PCSK5: variants seen among roughly 807,000 people sequenced by gnomAD.
The protein encoded by PCSK5 is proprotein convertase subtilisin/kexin type 5.
A neutral mutation model predicts 233.2 loss-of-function variants in PCSK5; 129 were observed. The ratio of observed to expected loss-of-function variants is 0.55; its 90% CI spans 0.48 to 0.64. The LOEUF (loss-of-function observed/expected upper bound fraction) is 0.64, where lower values mean the gene tolerates loss of function less well. PCSK5 is among the 30% of genes least tolerant of loss of function. The probability of loss-of-function intolerance (pLI) is 0.00; values close to 1 mark genes in which losing one functional copy is unlikely to be tolerated. For synonymous variants in PCSK5, 825 were observed against 879.2 expected, an observed-to-expected ratio of 0.94 and a Z score of 1.09; for missense variants, 2,076 against 2,430.1, an observed-to-expected ratio of 0.85 and a Z score of 3.06.
intron 7 of PCSK5, among the ~76,000 whole-genome samples, chr9:76,081,484 C>T (rs7857150): frequency 0.73 from 108,827 of 149,390 alleles, 40,382 homozygotes; most frequent in African/African-American, 0.88. Flanking sequence ...AACAAACAAA[C>T]AAATAAATAA....
chr9:76,018,050 C>G (rs1195615741), intron 3 of PCSK5, among the ~76,000 whole-genome samples: 2 of 142,312 alleles, frequency 1.4e-5, no homozygotes. Flanking sequence ...TTGTCTGAAA[C>G]TGCAAAGGGG....
At chr9:76,206,966 CTTGT>C (rs1201145205) in intron 20 of PCSK5, among the ~76,000 whole-genome samples, 1 of 152,112 alleles carries the variant, frequency 6.6e-6, no homozygotes, top group Admixed American at 6.5e-5. Context: ...AATCCATTTT[CTTGT>C]TTTTTTCAGC....
At chr9:76,141,072 G>A (rs1457294114) in intron 10 of PCSK5, among the ~76,000 whole-genome samples, 2 of 152,010 alleles carry the variant, frequency 1.3e-5, no homozygotes, top group Admixed American at 1.3e-4. Flanking sequence ...TGTGGTTATG[G>A]TTGATATTTT....
chr9:76,278,331 T>C (rs1273611326), intron 24 of PCSK5, among the ~76,000 whole-genome samples: 2 of 152,110 alleles, frequency 1.3e-5, no homozygotes, highest in Admixed American at 1.3e-4. Flanking sequence ...AGAACATCAG[T>C]CCTGTCCTGG....
intron 7 of PCSK5, among the ~76,000 whole-genome samples, chr9:76,082,628 C>T (rs1211688872): frequency 6.6e-6 from 1 of 151,622 alleles, no homozygotes; most frequent in Non-Finnish European, 1.5e-5. Flanking sequence ...TCAGTTTACA[C>T]AATCTGGTAA....
chr9:75,903,900 G>C (rs931985871), intron 1 of PCSK5, among the ~76,000 whole-genome samples: 6 of 151,984 alleles, frequency 3.9e-5, no homozygotes, highest in African/African-American at 1.2e-4. Flanking sequence ...TACTCATCCT[G>C]TGCCTATTCT....
At chr9:75,890,590 AGAG>A (rs1284791486), upstream of PCSK5, 9 of 152,040 alleles carry the variant, frequency 5.9e-5, no homozygotes, top group African/African-American at 2.2e-4. Context: ...CGGAGGAGGG[AGAG>A]GAGGAGGGCG....
chr9:76,092,853 T>G (rs376019264), intron 7 of PCSK5, among the ~76,000 whole-genome samples: 130 of 152,296 alleles, frequency 8.5e-4, no homozygotes, highest in African/African-American at 3.0e-3. Flanking sequence ...ATTAAAAAAT[T>G]ATCTCTTAAC....
In PCSK5 at chr9:76,358,185, T is replaced by C. The variant is rs1247562045; in HGVS notation, c.5255-328T>C. Reference sequence around the variant, plus strand: ...GATTCTCACGGGGTACATACTCCAATTTTATACAGTGGTATGCCTTCTAGG... The same window carrying C: ...GATTCTCACGGGGTACATACTCCAACTTTATACAGTGGTATGCCTTCTAGG... On this transcript the variant is annotated intron_variant, in intron 37 of 37. Coordinates refer to ENST00000674117, the MANE Select transcript of PCSK5 (RefSeq NM_001372043.1). Among the ~76,000 whole-genome samples the C allele has an allele frequency of 2.6e-5, 4 of 152,198 alleles. No homozygotes were observed. In the East Asian group the frequency reaches 7.7e-4, roughly 29 times the overall value.
intron 7 of PCSK5, among the ~76,000 whole-genome samples, chr9:76,080,073 T>G (rs1369307272): frequency 6.6e-6 from 1 of 152,152 alleles, no homozygotes; most frequent in Non-Finnish European, 1.5e-5. Context: ...TAATACTGCC[T>G]CATTTCTCCT....
chr9:76,095,004 G>A (rs1264233805), intron 7 of PCSK5, among the ~76,000 whole-genome samples: 3 of 152,056 alleles, frequency 2.0e-5, no homozygotes, highest in African/African-American at 7.2e-5. Context: ...ATGGATCTAT[G>A]GTCAAATATG....
At chr9:76,335,502 G>T (rs1490102588) in intron 34 of PCSK5, among the ~76,000 whole-genome samples, 4 of 152,086 alleles carry the variant, frequency 2.6e-5, no homozygotes, top group Admixed American at 6.6e-5. Context: ...TAATTATTTT[G>T]GTGTTTAACT....
chr9:76,079,741 T>G (rs1830767551), intron 7 of PCSK5, among the ~76,000 whole-genome samples: 1 of 152,210 alleles, frequency 6.6e-6, no homozygotes, highest in South Asian at 2.1e-4. Flanking sequence ...CTGTCTTGTT[T>G]CGGTTCTCAA....
intron 5 of PCSK5, among the ~76,000 whole-genome samples, chr9:76,041,230 A>G (rs1829104486): frequency 6.6e-6 from 1 of 152,242 alleles, no homozygotes; most frequent in Non-Finnish European, 1.5e-5. Context: ...GCCATAAACC[A>G]TAGGAATAGG....
chr9:75,994,384 T>A (rs1826905415), intron 3 of PCSK5, among the ~76,000 whole-genome samples: 1 of 73,460 alleles, frequency 1.4e-5, no homozygotes. Context: ...AGTTTCTTTC[T>A]TTTCTTTCTT....
At chr9:76,058,302 G>A (rs1243109375) in intron 5 of PCSK5, among the ~76,000 whole-genome samples, 1 of 152,116 alleles carries the variant, frequency 6.6e-6, no homozygotes, top group Non-Finnish European at 1.5e-5. Context: ...TAAGCTCAGG[G>A]CCTTGGTTCA....
intron 3 of PCSK5, among the ~76,000 whole-genome samples, chr9:76,010,182 A>G (rs1302551635): frequency 6.6e-6 from 1 of 152,206 alleles, no homozygotes; most frequent in Non-Finnish European, 1.5e-5. Context: ...CAAAGGGCCA[A>G]CAGCTAAGTC....
At position 76,355,585 on chromosome 9, in the gene PCSK5, C is replaced by T. The variant is rs147313757; in HGVS notation, c.5254+1366C>T. On this transcript the variant is annotated intron_variant, in intron 37 of 37. Coordinates refer to ENST00000674117, the MANE Select transcript of PCSK5 (RefSeq NM_001372043.1). Reference sequence around the variant, plus strand: ...AGAAGTGACATTCACTGACAAAAAGCGATGCCATATTTGTGAGTTGGTCTA... The same window carrying T: ...AGAAGTGACATTCACTGACAAAAAGTGATGCCATATTTGTGAGTTGGTCTA... Among the ~76,000 whole-genome samples the T allele has an allele frequency of 1.2e-4, 19 of 152,308 alleles. No individual in the cohort carries two copies. In the East Asian group the frequency reaches 3.3e-3, roughly 26 times the overall value.
intron 20 of PCSK5, among the ~76,000 whole-genome samples, chr9:76,209,943 T>C (rs1254662757): frequency 1.3e-5 from 2 of 152,100 alleles, no homozygotes; most frequent in African/African-American, 4.8e-5. Context: ...TTGTAGAGAA[T>C]GAGTAGAAGT....
Sources: gnomAD v4.1 joint callset for allele counts (sites outside exome capture counted in the v4.1 genomes callset) on GRCh38, gnomAD v4.1.1 for gene constraint, MANE v1.5 for transcripts, NCBI Gene and HGNC (gene_info 2026-07-23, HGNC 2026-07-21) for gene names.